Variants in BAZ1A observed in about 807,000 individuals in gnomAD.
The protein encoded by BAZ1A is bromodomain adjacent to zinc finger domain protein 1A.
In BAZ1A, 50 loss-of-function variants were observed where a neutral mutation model predicts 185.2. The observed-to-expected ratio is 0.27, with a 90% CI of 0.22 to 0.34. BAZ1A has a LOEUF of 0.34. Among genes scored for constraint, BAZ1A ranks in the 10% least tolerant of loss-of-function variants. The probability of loss-of-function intolerance (pLI) is 1.00; values close to 1 mark genes in which losing one functional copy is unlikely to be tolerated. For synonymous variants in BAZ1A, 571 were observed against 615.6 expected (o/e 0.93, Z 1.07); for missense variants, 1,356 against 1,839.9 (o/e 0.74, Z 4.81).
chr14:34,829,415 T>TTAAA (rs1555343046), intron 3 of BAZ1A, among the ~76,000 whole-genome samples: 3 of 149,908 alleles, frequency 2.0e-5, no homozygotes, highest in Non-Finnish European at 4.5e-5. Context: ...TAAATAAAAA[T>TTAAA]AAAAAAAAAG....
At chr14:34,814,126 A>T in intron 4 of BAZ1A, among the ~76,000 whole-genome samples, 1 of 151,962 alleles carries the variant, frequency 6.6e-6, no homozygotes, top group Non-Finnish European at 1.5e-5. Context: ...GCAGTTTAAG[A>T]ACAAGAAAAT....
chr14:34,848,394 T>C (rs1000150876), intron 3 of BAZ1A, among the ~76,000 whole-genome samples: 1 of 151,800 alleles, frequency 6.6e-6, no homozygotes, highest in Admixed American at 6.6e-5. Context: ...CCACCTGAGG[T>C]CAGGAGTTCG....
chr14:34,801,239 T>C, intron 7 of BAZ1A, 46 bp from the exon 8 acceptor site: 1 of 1,369,156 alleles, frequency 7.3e-7, no homozygotes, highest in Non-Finnish European at 1.0e-6. Flanking sequence ...ATAGTAAGAA[T>C]AAAAAGCAAA....
Position 34,862,108 on chromosome 14 carries a change from C to T in BAZ1A, c.328G>A (p.Ala110Thr), listed in dbSNP as rs748705426. The T allele has an allele frequency of 5.6e-6, 9 of 1,614,148 alleles. No homozygotes were observed. Among genetic ancestry groups the T allele is most frequent in the Non-Finnish European group, 7.6e-6 (9 of 1,180,018 alleles). ...ACAAAATATCGATCCTTGACATATG[C>T]AAAGATATCATCACAAATTTCATGT... ...RLHEICDDIF[A>T]YVKDRYFVEE... The change falls in exon 3 of 27, where the codon GCA becomes ACA. Residue 110 changes from alanine to threonine, a missense_variant. By Grantham distance (58) the Ala-to-Thr change is moderately conservative (BLOSUM62 0). Transcript: ENST00000360310.
chr14:34,815,038 G>T (rs1317224063), intron 4 of BAZ1A, among the ~76,000 whole-genome samples: 2 of 152,172 alleles, frequency 1.3e-5, no homozygotes, highest in Non-Finnish European at 2.9e-5. Flanking sequence ...GCCTCCCAAA[G>T]TGCTGGGATT....
intron 24 of BAZ1A, among the ~76,000 whole-genome samples, chr14:34,761,417 G>A (rs1270886383): frequency 6.6e-6 from 1 of 152,168 alleles, no homozygotes; most frequent in Non-Finnish European, 1.5e-5. Flanking sequence ...AGGTGATGCT[G>A]AGTATTTGCG....
At chr14:34,831,191 C>A (rs2042237462) in intron 3 of BAZ1A, among the ~76,000 whole-genome samples, 1 of 152,116 alleles carries the variant, frequency 6.6e-6, no homozygotes, top group South Asian at 2.1e-4. Flanking sequence ...GCTCTATTCT[C>A]CTAGGAACTT....
chr14:34,837,786 C>G (rs1384666860), intron 3 of BAZ1A, among the ~76,000 whole-genome samples: 1 of 152,100 alleles, frequency 6.6e-6, no homozygotes, highest in Non-Finnish European at 1.5e-5. Flanking sequence ...TGTTTGTGGG[C>G]TCAGCTTTGT....
intron 3 of BAZ1A, among the ~76,000 whole-genome samples, chr14:34,834,392 G>A (rs752758217): frequency 1.3e-5 from 2 of 152,126 alleles, no homozygotes; most frequent in Non-Finnish European, 2.9e-5. Flanking sequence ...TTGATGTGAG[G>A]CCTAAAGTGG....
At chr14:34,866,883 C>T (rs2042869807) in intron 2 of BAZ1A, among the ~76,000 whole-genome samples, 1 of 151,250 alleles carries the variant, frequency 6.6e-6, no homozygotes, top group Non-Finnish European at 1.5e-5. Flanking sequence ...AAAAATAACC[C>T]AATATATCAC....
intron 3 of BAZ1A, among the ~76,000 whole-genome samples, chr14:34,855,823 A>G (rs1001013844): frequency 2.0e-5 from 3 of 152,152 alleles, no homozygotes; most frequent in Non-Finnish European, 2.9e-5. Context: ...GGATCACCCA[A>G]GCCCAGGAGG....
intron 3 of BAZ1A, among the ~76,000 whole-genome samples, chr14:34,857,010 CT>C (rs957739210): frequency 0.028 from 3,926 of 141,180 alleles, 59 homozygotes; most frequent in Non-Finnish European, 0.039. Flanking sequence ...CATCTTTTTT[CT>C]TTTTTTTTTT....
At chr14:34,826,881 C>T (rs2042172118) in intron 3 of BAZ1A, among the ~76,000 whole-genome samples, 1 of 152,158 alleles carries the variant, frequency 6.6e-6, no homozygotes, top group Non-Finnish European at 1.5e-5. Flanking sequence ...GATTCTCCCT[C>T]AATGGGAGCA....
chr14:34,766,146 C>A (rs1047415559), intron 21 of BAZ1A, among the ~76,000 whole-genome samples: 52 of 152,302 alleles, frequency 3.4e-4, no homozygotes, highest in African/African-American at 1.2e-3. Flanking sequence ...TCAGTTTCCT[C>A]AACTGTAATA....
In BAZ1A at chr14:34,776,208, T is replaced by C; in HGVS notation, c.2544A>G (p.Val848=). The change falls in exon 18 of 27, where the codon GTA becomes GTG. Residue 848 remains valine (V), a synonymous_variant. Coordinates refer to ENST00000360310, the MANE Select transcript of BAZ1A (RefSeq NM_013448.3). ...LPRPSSFQNN[V]QSQDPQVSTK... ...TGGATACCTGAGGATCTTGAGACTG[T>C]ACATTATTCTGAAATGATGAAGGTC... The C allele has an allele frequency of 6.2e-7, 1 of 1,614,166 alleles. No individual in the cohort carries two copies.
intron 25 of BAZ1A, 54 bp from the exon 26 acceptor site, chr14:34,754,968 G>A: frequency 7.3e-7 from 1 of 1,368,964 alleles, no homozygotes; most frequent in Non-Finnish European, 1.0e-6. Flanking sequence ...CTGGAAAGAA[G>A]TGTTCAAATA....
chr14:34,784,761 G>A (rs1594836025), intron 14 of BAZ1A, among the ~76,000 whole-genome samples: 2 of 151,958 alleles, frequency 1.3e-5, no homozygotes, highest in East Asian at 1.9e-4. Context: ...CTTCTGATCT[G>A]CCCGCCTCAG....
intron 20 of BAZ1A, 117 bp downstream of exon 20, chr14:34,773,455 C>A: frequency 1.1e-6 from 1 of 890,882 alleles, no homozygotes. Context: ...TCAAGGTCCT[C>A]ACGACAAGTT....
intron 3 of BAZ1A, among the ~76,000 whole-genome samples, chr14:34,850,750 T>C (rs2138787535): frequency 6.6e-6 from 1 of 152,342 alleles, no homozygotes; most frequent in South Asian, 2.1e-4. Context: ...ATCTTTTCTC[T>C]TGCACACACT....
Sources: allele counts gnomAD v4.1 joint callset (sites outside exome capture counted in the v4.1 genomes callset), GRCh38; gene constraint gnomAD v4.1.1; transcripts MANE v1.5; gene names NCBI Gene and HGNC (gene_info 2026-07-23, HGNC 2026-07-21).